PLXNC1: variants seen among roughly 807,000 people sequenced by gnomAD.
PLXNC1 encodes plexin C1, also known as plexin-C1.
PLXNC1 carries 75 observed loss-of-function variants against 178.2 expected under a neutral mutation model. The observed-to-expected ratio is 0.42, with a 90% CI of 0.35 to 0.51. The LOEUF (loss-of-function observed/expected upper bound fraction) is 0.51, where lower values mean the gene tolerates loss of function less well. Ranked by LOEUF, PLXNC1 falls within the 20% of genes least tolerant of loss-of-function variation. The pLI, the probability that PLXNC1 is intolerant of heterozygous loss-of-function variation, is 0.02. For missense variants in PLXNC1, 1,503 were observed against 1,984.4 expected (o/e 0.76, Z 4.61); for synonymous variants, 790 against 779.9 (o/e 1.01, Z -0.22).
chr12:94,150,094 C>G (rs1463759413), intron 1 of PLXNC1, 61 bp downstream of exon 1: 2 of 1,327,286 alleles, frequency 1.5e-6, no homozygotes, highest in East Asian at 2.7e-5. Flanking sequence ...CCGCCGCCGC[C>G]GAGGCAGAAC....
At chr12:94,268,033 A>G (rs374072068) in intron 21 of PLXNC1, among the ~76,000 whole-genome samples, 1 of 152,328 alleles carries the variant, frequency 6.6e-6, no homozygotes, top group East Asian at 1.9e-4. Context: ...TTTCAAGGAA[A>G]GGAAAGTCGG....
intron 5 of PLXNC1, among the ~76,000 whole-genome samples, chr12:94,218,261 G>C (rs1592776655): frequency 1.3e-5 from 2 of 152,270 alleles, no homozygotes; most frequent in South Asian, 4.1e-4. Context: ...GAAAGAACTT[G>C]CCTTCTTCCA....
intron 15 of PLXNC1, among the ~76,000 whole-genome samples, chr12:94,252,688 C>T (rs1389879676): frequency 6.6e-6 from 1 of 152,222 alleles, no homozygotes; most frequent in African/African-American, 2.4e-5. Context: ...ATTTCCATAG[C>T]ATCAGTTTAT....
intron 21 of PLXNC1, among the ~76,000 whole-genome samples, chr12:94,268,723 T>C (rs1965400724): frequency 6.8e-6 from 1 of 146,142 alleles, no homozygotes; most frequent in Non-Finnish European, 1.5e-5. Flanking sequence ...GCCTCCCAAA[T>C]ACCTGGGATT....
intron 10 of PLXNC1, among the ~76,000 whole-genome samples, chr12:94,238,261 C>A (rs1964293185): frequency 6.6e-6 from 1 of 152,122 alleles, no homozygotes. Context: ...ACATTTTATT[C>A]TTTGTAGCCT....
intron 4 of PLXNC1, among the ~76,000 whole-genome samples, chr12:94,187,536 C>T (rs539123531): frequency 3.3e-5 from 5 of 152,290 alleles, no homozygotes; most frequent in African/African-American, 7.2e-5. Context: ...GGGCTGTTTC[C>T]GTCAGAGTCA....
Position 94,208,596 on chromosome 12 carries a change from T to C in PLXNC1, c.1440-994T>C, listed in dbSNP as rs1963375696. ...TTTCAATCTCATGATTCATGTGTTT[T>C]CAGTTTCTTTTAAAAATTCACCATC... On this transcript the variant is annotated intron_variant, in intron 4 of 30. Coordinates refer to ENST00000258526, the MANE Select transcript of PLXNC1 (RefSeq NM_005761.3). Among the ~76,000 whole-genome samples, 4 of 152,260 alleles carry C rather than the reference T, an allele frequency of 2.6e-5. No homozygotes were observed. In the South Asian group the frequency reaches 8.3e-4, roughly 32 times the overall value.
chr12:94,271,365 G>T (rs1965557551), intron 21 of PLXNC1, among the ~76,000 whole-genome samples: 1 of 152,204 alleles, frequency 6.6e-6, no homozygotes, highest in South Asian at 2.1e-4. Context: ...CTTCCCATGT[G>T]GGAAAAGACC....
At chr12:94,304,219 G>A (rs990197490) in intron 30 of PLXNC1, 168 bp downstream of exon 30, 4 of 540,304 alleles carry the variant, frequency 7.4e-6, no homozygotes, top group Admixed American at 6.8e-5. Context: ...CCCTGTACAT[G>A]GCTGCCCCCC....
At chr12:94,293,415 G>C (rs1196197532) in intron 23 of PLXNC1, among the ~76,000 whole-genome samples, 1 of 152,194 alleles carries the variant, frequency 6.6e-6, no homozygotes, top group Non-Finnish European at 1.5e-5. Flanking sequence ...TAGTGTCATA[G>C]TCAGTTCGGG....
chr12:94,224,189 G>T, intron 6 of PLXNC1, 39 bp from the exon 7 acceptor site: 1 of 1,135,140 alleles, frequency 8.8e-7, no homozygotes. Flanking sequence ...ACTATAGCAG[G>T]ACTCCACCGT....
At chr12:94,207,981 A>T (rs1016574187) in intron 4 of PLXNC1, among the ~76,000 whole-genome samples, 11 of 151,936 alleles carry the variant, frequency 7.2e-5, no homozygotes, top group Non-Finnish European at 1.3e-4. Context: ...TGCCCATGAG[A>T]GGCAGGGAGT....
intron 1 of PLXNC1, among the ~76,000 whole-genome samples, chr12:94,151,836 T>C (rs1960970775): frequency 6.6e-6 from 1 of 152,210 alleles, no homozygotes. Flanking sequence ...GCATCTTGAA[T>C]GCACTCAAAA....
intron 22 of PLXNC1, 123 bp downstream of exon 22, chr12:94,279,772 G>T (rs1283988708): frequency 1.1e-6 from 1 of 887,784 alleles, no homozygotes. Flanking sequence ...TACACAGCCA[G>T]GTTGTTCCTG....
intron 21 of PLXNC1, among the ~76,000 whole-genome samples, chr12:94,272,739 T>G (rs1339790182): frequency 6.6e-6 from 1 of 152,246 alleles, no homozygotes; most frequent in Non-Finnish European, 1.5e-5. Context: ...CAGCAGAGGC[T>G]GGGAAATGTC....
intron 21 of PLXNC1, among the ~76,000 whole-genome samples, chr12:94,266,875 T>C (rs906261969): frequency 6.6e-6 from 1 of 152,260 alleles, no homozygotes; most frequent in Non-Finnish European, 1.5e-5. Flanking sequence ...TTGTTTAAAA[T>C]GCAGGTGCAA....
chr12:94,236,908 C>CT (rs200657662), intron 9 of PLXNC1, among the ~76,000 whole-genome samples: 10,112 of 151,214 alleles, frequency 0.067, 457 homozygotes, highest in African/African-American at 0.13. Flanking sequence ...AAATAAAGGG[C>CT]TTTTTTTTTA....
At chr12:94,194,318 G>A (rs551099549) in intron 4 of PLXNC1, among the ~76,000 whole-genome samples, 1 of 152,256 alleles carries the variant, frequency 6.6e-6, no homozygotes, top group African/African-American at 2.4e-5. Flanking sequence ...ATGAGATTTG[G>A]GTGGAGACAC....
At chr12:94,256,000 T>G (rs1964827048) in intron 17 of PLXNC1, 1 of 152,368 alleles carries the variant, frequency 6.6e-6, no homozygotes, top group Non-Finnish European at 1.5e-5. Context: ...CCTTCTCCAT[T>G]TACCCTCCCA....
Sources: gnomAD v4.1 joint callset for allele counts (sites outside exome capture counted in the v4.1 genomes callset) on GRCh38, gnomAD v4.1.1 for gene constraint, MANE v1.5 for transcripts, NCBI Gene and HGNC (gene_info 2026-07-23, HGNC 2026-07-21) for gene names.